Variants in NRG2 observed in about 807,000 individuals in gnomAD.
NRG2 encodes pro-neuregulin-2, membrane-bound isoform.
Under a neutral mutation model 73.9 loss-of-function variants are expected in NRG2, and 27 were observed. The ratio of observed to expected loss-of-function variants is 0.37; its 90% confidence interval spans 0.27 to 0.50. The LOEUF is 0.50. NRG2 is among the 20% of genes least tolerant of loss of function. NRG2 has a pLI of 0.96. For missense variants in NRG2, 1,126 were observed against 1,210.1 expected (o/e 0.93, Z 1.03); for synonymous variants, 532 against 541.0 (o/e 0.98, Z 0.23).
chr5:139,891,210 T>A (rs1254684330), intron 1 of NRG2, among the ~76,000 whole-genome samples: 1 of 152,178 alleles, frequency 6.6e-6, no homozygotes, highest in Non-Finnish European at 1.5e-5. Flanking sequence ...AGTGCTGTAT[T>A]ATGCACTGAG....
intron 1 of NRG2, among the ~76,000 whole-genome samples, chr5:139,980,968 G>A (rs1318950700): frequency 1.3e-5 from 2 of 152,196 alleles, no homozygotes; most frequent in Admixed American, 1.3e-4. Context: ...CAGGGGGCAG[G>A]CAGAAGGATG....
chr5:139,993,677 A>T (rs1431282865), intron 1 of NRG2, among the ~76,000 whole-genome samples: 1 of 152,204 alleles, frequency 6.6e-6, no homozygotes, highest in African/African-American at 2.4e-5. Context: ...CTTTATTTGT[A>T]ATCCCTAAAT....
chr5:139,888,297 A>C (rs1764002376), intron 1 of NRG2, among the ~76,000 whole-genome samples: 2 of 152,168 alleles, frequency 1.3e-5, no homozygotes, highest in Admixed American at 1.3e-4. Flanking sequence ...GCAGTGTCAT[A>C]CTGACACTGA....
At chr5:139,857,187 T>C (rs1178073818) in intron 5 of NRG2, among the ~76,000 whole-genome samples, 1 of 152,218 alleles carries the variant, frequency 6.6e-6, no homozygotes, top group Non-Finnish European at 1.5e-5. Context: ...CCTGTCTCTG[T>C]CTTAGCCATG....
intron 1 of NRG2, among the ~76,000 whole-genome samples, chr5:139,906,981 G>A (rs1258452337): frequency 6.6e-6 from 1 of 152,106 alleles, no homozygotes; most frequent in Non-Finnish European, 1.5e-5. Flanking sequence ...GTATGCTGAG[G>A]GCTGTGTGTG....
intron 3 of NRG2, among the ~76,000 whole-genome samples, chr5:139,872,729 A>C (rs1762942573): frequency 6.6e-6 from 1 of 152,174 alleles, no homozygotes; most frequent in Admixed American, 6.5e-5. Flanking sequence ...CGTCCGATTG[A>C]CTGGACTCAT....
intron 3 of NRG2, among the ~76,000 whole-genome samples, chr5:139,873,110 G>C (rs553097537): frequency 6.6e-6 from 1 of 152,286 alleles, no homozygotes; most frequent in East Asian, 1.9e-4. Context: ...TGGAGCACAG[G>C]GGGCTGGGAG....
At chr5:139,874,173 A>T (rs185382372) in intron 3 of NRG2, among the ~76,000 whole-genome samples, 9 of 152,356 alleles carry the variant, frequency 5.9e-5, no homozygotes, top group Admixed American at 5.2e-4. Flanking sequence ...TAGCGCAGTT[A>T]CACTGTTCTA....
intron 1 of NRG2, among the ~76,000 whole-genome samples, chr5:139,965,007 G>C (rs1010084348): frequency 6.6e-6 from 1 of 152,242 alleles, no homozygotes; most frequent in African/African-American, 2.4e-5. Context: ...GGAAACAAAG[G>C]TGTCTTGATG....
intron 5 of NRG2, chr5:139,864,934 T>C: frequency 1.5e-6 from 1 of 682,782 alleles, no homozygotes; most frequent in Non-Finnish European, 2.7e-6. Context: ...TTGGCATTAC[T>C]GTGCCCAGGA....
intron 1 of NRG2, among the ~76,000 whole-genome samples, chr5:140,034,727 A>G (rs528996328): frequency 6.6e-6 from 1 of 152,338 alleles, no homozygotes; most frequent in African/African-American, 2.4e-5. Flanking sequence ...ATGAAATTAA[A>G]TGAATAATAC....
At chr5:139,978,747 T>A (rs972658445) in intron 1 of NRG2, among the ~76,000 whole-genome samples, 1 of 152,144 alleles carries the variant, frequency 6.6e-6, no homozygotes, top group Non-Finnish European at 1.5e-5. Context: ...TGCGGCACTA[T>A]GTTTACTGTG....
At chr5:139,916,131 A>G (rs1751236075) in intron 1 of NRG2, among the ~76,000 whole-genome samples, 1 of 152,188 alleles carries the variant, frequency 6.6e-6, no homozygotes, top group Non-Finnish European at 1.5e-5. Flanking sequence ...ATGTTTAACA[A>G]TGGGGTGTAG....
At chr5:139,940,235 A>G (rs2126422207) in intron 1 of NRG2, among the ~76,000 whole-genome samples, 1 of 152,376 alleles carries the variant, frequency 6.6e-6, no homozygotes, top group East Asian at 1.9e-4. Flanking sequence ...TGTGATATAT[A>G]AAAACAATGG....
intron 1 of NRG2, among the ~76,000 whole-genome samples, chr5:139,898,789 C>T (rs1764705474): frequency 1.3e-5 from 2 of 152,226 alleles, no homozygotes; most frequent in Admixed American, 1.3e-4. Context: ...AGTCCAAACT[C>T]AGTAGCCTGG....
chr5:139,917,988 A>G (rs771550376), intron 1 of NRG2, among the ~76,000 whole-genome samples: 3 of 152,148 alleles, frequency 2.0e-5, no homozygotes, highest in African/African-American at 4.8e-5. Flanking sequence ...ACAAAGATTT[A>G]TGCCTATTTT....
intron 1 of NRG2, among the ~76,000 whole-genome samples, chr5:139,967,708 T>C (rs1755639704): frequency 6.6e-6 from 1 of 152,128 alleles, no homozygotes; most frequent in Admixed American, 6.5e-5. Flanking sequence ...GCACAATGGC[T>C]CTTGCCTGTA....
Position 139,853,100 on chromosome 5 carries a change from C to T in NRG2, c.1293-73G>A. The T allele has an allele frequency of 6.3e-7, 1 of 1,591,540 alleles. No individual in the cohort carries two copies. The highest frequency in any genetic ancestry group is 1.1e-5 in the South Asian group (1 of 87,168). ...ACGATGAACTTCCCTAGCTATCTCTCTAGGGAAACAGCTTTTCCTCCTGCC... is the reference window on the plus strand; with the variant it reads ...ACGATGAACTTCCCTAGCTATCTCTTTAGGGAAACAGCTTTTCCTCCTGCC... On this transcript the variant is annotated intron_variant, in intron 6 of 9. Transcript: ENST00000361474. The surrounding 1 kb of genome is among the most constrained non-coding windows in gnomAD (Gnocchi z 4.1).
intron 1 of NRG2, among the ~76,000 whole-genome samples, chr5:139,966,182 C>G (rs769835120): frequency 8.5e-5 from 13 of 152,056 alleles, no homozygotes; most frequent in Non-Finnish European, 1.2e-4. Context: ...CCATTGCCAA[C>G]GAAACACAGG....
Sources: allele counts gnomAD v4.1 joint callset (sites outside exome capture counted in the v4.1 genomes callset), GRCh38; gene constraint gnomAD v4.1.1; non-coding constraint Gnocchi (gnomAD v3.1); transcripts MANE v1.5; gene names NCBI Gene and HGNC (gene_info 2026-07-23, HGNC 2026-07-21).